Variants in SCN8A observed in about 807,000 individuals in gnomAD.
SCN8A encodes sodium channel protein type 8 subunit alpha.
In SCN8A, 30 loss-of-function variants were observed where a neutral mutation model predicts 184.1. The ratio of observed to expected loss-of-function variants is 0.16; its 90% CI spans 0.12 to 0.22. The LOEUF (loss-of-function observed/expected upper bound fraction) is 0.22. Among genes scored for constraint, SCN8A ranks in the 10% least tolerant of loss-of-function variants. The probability of loss-of-function intolerance (pLI) is 1.00; values close to 1 mark genes in which losing one functional copy is unlikely to be tolerated. For missense variants in SCN8A, 1,057 were observed against 2,498.9 expected (o/e 0.42, Z 12.30); for synonymous variants, 852 against 907.0 (o/e 0.94, Z 1.09).
chr12:51,695,462 A>G (rs1030244895), intron 6 of SCN8A, among the ~76,000 whole-genome samples: 1 of 152,222 alleles, frequency 6.6e-6, no homozygotes, highest in Non-Finnish European at 1.5e-5. Flanking sequence ...AGTGAATTCC[A>G]TGCAGGCTTG....
chr12:51,717,089 CCTT>C (rs1369013452), intron 11 of SCN8A, among the ~76,000 whole-genome samples: 7 of 152,224 alleles, frequency 4.6e-5, no homozygotes, highest in Non-Finnish European at 8.8e-5. Flanking sequence ...CCCCCTCACT[CCTT>C]CTGCTTCCTG....
chr12:51,720,654 G>A (rs1942037929), intron 11 of SCN8A, among the ~76,000 whole-genome samples: 1 of 152,012 alleles, frequency 6.6e-6, no homozygotes, highest in African/African-American at 2.4e-5. Context: ...AAAATGGGGT[G>A]GGAGGGGGCA....
At chr12:51,784,477 C>G (rs1938020893) in intron 21 of SCN8A, among the ~76,000 whole-genome samples, 1 of 152,080 alleles carries the variant, frequency 6.6e-6, no homozygotes, top group Non-Finnish European at 1.5e-5. Flanking sequence ...ATCGCTTGAA[C>G]CTGAGAAGGG....
intron 12 of SCN8A, among the ~76,000 whole-genome samples, chr12:51,742,664 G>T (rs536556334): frequency 6.6e-6 from 1 of 150,604 alleles, no homozygotes; most frequent in African/African-American, 2.4e-5. Flanking sequence ...GTTATTAGAT[G>T]CCTTGAGGTA....
chr12:51,595,826 A>G (rs1312028739), intron 1 of SCN8A, among the ~76,000 whole-genome samples: 1 of 152,218 alleles, frequency 6.6e-6, no homozygotes, highest in East Asian at 1.9e-4. Flanking sequence ...AAGCAGACGG[A>G]TGCTTTATCT....
At chr12:51,789,130 T>C in intron 23 of SCN8A, 151 bp from the exon 24 acceptor site, 1 of 765,692 alleles carries the variant, frequency 1.3e-6, no homozygotes, top group East Asian at 2.7e-5. Context: ...GCCATGCCAG[T>C]GTAGAGAAGG....
At chr12:51,716,704 T>C (rs1332389952) in intron 11 of SCN8A, among the ~76,000 whole-genome samples, 1 of 152,166 alleles carries the variant, frequency 6.6e-6, no homozygotes, top group Admixed American at 6.5e-5. Flanking sequence ...TCCTGTGTTT[T>C]CCTGGCCATA....
At chr12:51,782,257 C>T (rs1937946479) in intron 21 of SCN8A, among the ~76,000 whole-genome samples, 2 of 152,150 alleles carry the variant, frequency 1.3e-5, no homozygotes, top group Non-Finnish European at 2.9e-5. Flanking sequence ...AGAATGTGCG[C>T]AATAAGGTCA....
intron 11 of SCN8A, among the ~76,000 whole-genome samples, chr12:51,708,685 T>G (rs1318538232): frequency 6.6e-6 from 1 of 152,208 alleles, no homozygotes; most frequent in East Asian, 1.9e-4. Flanking sequence ...TTCCTTAACC[T>G]TATCTTAGTT....
At position 51,812,001 on chromosome 12, in the gene SCN8A, A is replaced by G. The variant is rs2138954959; in HGVS notation, c.*4572A>G. On this transcript the variant is annotated 3_prime_UTR_variant, in exon 27 of 27. Coordinates refer to ENST00000627620, the MANE Select transcript of SCN8A (RefSeq NM_001330260.2). Reference sequence around the variant, plus strand: ...GCTGCAACTTGCCAGCCAGGGGGACATCAGGAGAGAAGAGGAAGTCTGGGT... The same window carrying G: ...GCTGCAACTTGCCAGCCAGGGGGACGTCAGGAGAGAAGAGGAAGTCTGGGT... The G allele has an allele frequency of 6.6e-6, 1 of 152,344 alleles. No homozygotes were observed. Among genetic ancestry groups the G allele is most frequent in the East Asian group, 1.9e-4 (1 of 5,174 alleles). The allele number at this position is 152,344 out of a possible 1,614,324, so 9.4% of individuals were successfully genotyped here.
intron 16 of SCN8A, among the ~76,000 whole-genome samples, chr12:51,768,464 C>G (rs1942870642): frequency 6.6e-6 from 1 of 152,036 alleles, no homozygotes; most frequent in African/African-American, 2.4e-5. Flanking sequence ...GACGTGGGTC[C>G]TCTCAAACTC....
At chr12:51,664,878 C>A (rs896557691) in intron 2 of SCN8A, among the ~76,000 whole-genome samples, 5 of 152,016 alleles carry the variant, frequency 3.3e-5, no homozygotes, top group Non-Finnish European at 7.4e-5. Context: ...TGCTCTCCCT[C>A]CCCCCATTCC....
At chr12:51,798,858 T>G (rs1273377743) in intron 26 of SCN8A, among the ~76,000 whole-genome samples, 3 of 152,212 alleles carry the variant, frequency 2.0e-5, no homozygotes, top group African/African-American at 4.8e-5. Flanking sequence ...CAATCATGCT[T>G]CTTTGAAGTC....
intron 12 of SCN8A, among the ~76,000 whole-genome samples, chr12:51,744,569 G>T (rs1370635411): frequency 6.6e-6 from 1 of 150,462 alleles, no homozygotes; most frequent in Non-Finnish European, 1.5e-5. Context: ...AGACCCCAAG[G>T]TCACTGATCC....
At chr12:51,755,503 T>G (rs1256592479) in intron 14 of SCN8A, among the ~76,000 whole-genome samples, 2 of 152,080 alleles carry the variant, frequency 1.3e-5, no homozygotes, top group Non-Finnish European at 2.9e-5. Flanking sequence ...AGTCTTTTAG[T>G]GGAAAAATGG....
At chr12:51,674,711 C>T (rs1414918133) in intron 2 of SCN8A, among the ~76,000 whole-genome samples, 1 of 152,216 alleles carries the variant, frequency 6.6e-6, no homozygotes, top group African/African-American at 2.4e-5. Context: ...TGTGTGATAG[C>T]AGTGGCAGCA....
chr12:51,771,149 T>C (rs1942919964), intron 19 of SCN8A, among the ~76,000 whole-genome samples: 1 of 152,232 alleles, frequency 6.6e-6, no homozygotes, highest in South Asian at 2.1e-4. Context: ...TAAGTGCTTA[T>C]TAATCAGTGA....
chr12:51,609,881 G>C (rs1939680463), intron 1 of SCN8A, among the ~76,000 whole-genome samples: 1 of 151,208 alleles, frequency 6.6e-6, no homozygotes, highest in Non-Finnish European at 1.5e-5. Context: ...TAAATGAAGA[G>C]TTAGTGGGTG....
At position 51,786,758 on chromosome 12, in the gene SCN8A, A is replaced by G; in HGVS notation, c.4159A>G (p.Ile1387Val). The G allele has an allele frequency of 6.2e-7, 1 of 1,614,020 alleles. No homozygotes were observed. The highest frequency in any genetic ancestry group is 8.5e-7 in the Non-Finnish European group (1 of 1,179,898). Residue 1387 changes from isoleucine (I) to valine (V), a missense_variant, in exon 22 of 27, where the codon ATC becomes GTC. Ile to Val is a conservative substitution (Grantham distance 29). Transcript: ENST00000627620. The part of the protein sequence containing the change: ...EKLMEGNNTE[I>V]RWKNVKINFD... ...GCTTATGGAGGGGAACAATACAGAG[A>G]TCAGATGGAAGAACGTGAAGATCAA...
Sources: gnomAD v4.1 joint callset for allele counts (sites outside exome capture counted in the v4.1 genomes callset) on GRCh38, gnomAD v4.1.1 for gene constraint, MANE v1.5 for transcripts, NCBI Gene and HGNC (gene_info 2026-07-23, HGNC 2026-07-21) for gene names.